Variants in TRIM67 observed in about 807,000 individuals in gnomAD.
TRIM67 encodes tripartite motif-containing protein 67.
A neutral mutation model predicts 71.0 loss-of-function variants in TRIM67; 39 were observed. That is an observed-to-expected ratio of 0.55 (90% CI 0.43 to 0.72). The LOEUF (loss-of-function observed/expected upper bound fraction) is 0.72. Ranked by LOEUF, TRIM67 falls within the 30% of genes least tolerant of loss-of-function variation. TRIM67 has a pLI of 0.00. For synonymous variants in TRIM67, 481 were observed against 473.9 expected (o/e 1.01, Z -0.19); for missense variants, 973 against 1,079.2 (o/e 0.90, Z 1.38).
At chr1:231,166,744 C>T (rs538431809) in intron 1 of TRIM67, among the ~76,000 whole-genome samples, 39 of 152,298 alleles carry the variant, frequency 2.6e-4, no homozygotes, top group Middle Eastern at 3.4e-3. Flanking sequence ...ATATATGTGA[C>T]ACTGAAATCT....
chr1:231,206,298 G>T (rs1683694458), intron 6 of TRIM67, among the ~76,000 whole-genome samples: 1 of 151,524 alleles, frequency 6.6e-6, no homozygotes, highest in South Asian at 2.1e-4. Flanking sequence ...TAAATTAGCT[G>T]GGCATGGTGG....
At chr1:231,201,246 C>G in intron 4 of TRIM67, 112 bp from the exon 5 acceptor site, 10 of 1,182,390 alleles carry the variant, frequency 8.5e-6, no homozygotes, top group Admixed American at 2.7e-5. Flanking sequence ...AGAGCACAAC[C>G]CTTTTCTGTC....
chr1:231,194,845 G>T (rs570180982), intron 1 of TRIM67, among the ~76,000 whole-genome samples: 21 of 152,234 alleles, frequency 1.4e-4, no homozygotes, highest in African/African-American at 4.8e-4. Context: ...ACCATGCCCA[G>T]CTAATTTTTA....
chr1:231,177,653 A>G (rs1682791567), intron 1 of TRIM67, among the ~76,000 whole-genome samples: 1 of 152,236 alleles, frequency 6.6e-6, no homozygotes, highest in Non-Finnish European at 1.5e-5. Context: ...ATAACTCCAG[A>G]CAGCTTTAAA....
intron 6 of TRIM67, 123 bp downstream of exon 6, chr1:231,204,135 C>A: frequency 1.4e-6 from 2 of 1,413,774 alleles, no homozygotes; most frequent in Non-Finnish European, 1.9e-6. Context: ...TGAGGGGACA[C>A]TGGCCAAAAG....
chr1:231,204,460 G>A, intron 6 of TRIM67, among the ~76,000 whole-genome samples: 1 of 152,186 alleles, frequency 6.6e-6, no homozygotes, highest in East Asian at 1.9e-4. Flanking sequence ...CTGGATAAAT[G>A]GTTGTTGAAT....
intron 1 of TRIM67, chr1:231,185,060 G>A: frequency 3.9e-6 from 6 of 1,532,916 alleles, no homozygotes; most frequent in Non-Finnish European, 4.4e-6. Flanking sequence ...GAGCTGAGCT[G>A]GTGCCTGGAC....
In TRIM67 at chr1:231,185,174, C is replaced by T. The variant is rs11802835; in HGVS notation, c.1045-12197C>T. On this transcript the variant is annotated intron_variant, in intron 1 of 9. Transcript: ENST00000366653. ...GTCCAGCCAGCCAGCCTGTACTCCA[C>T]GGCGTCCATTCCTGCACCTTCCACC... is the stretch of plus-strand genomic sequence containing the variant. 6,284 of 1,532,908 alleles carry T rather than the reference C, an allele frequency of 4.1e-3. 299 individuals are homozygous for T. The African/African-American group carries it at 0.067, about 16-fold the overall frequency. The allele number at this position is 1,532,908 out of a possible 1,614,324, so 95.0% of individuals were successfully genotyped here.
At position 231,219,307 on chromosome 1, in the gene TRIM67, T is replaced by C; in HGVS notation, c.*3867T>C. 4.1e-6 allele frequency: 4 copies of C among 983,226 alleles called. No homozygotes were observed. The highest frequency in any genetic ancestry group is 4.8e-6 in the Non-Finnish European group (4 of 827,750). The allele number at this position is 983,226 out of a possible 1,614,324, so 60.9% of individuals were successfully genotyped here. Reference sequence around the variant, plus strand: ...AAGTTAGGTGTGACAACCAAAAGTATCTGTCGACATTGCTAGGTATCTCCT... The same window carrying C: ...AAGTTAGGTGTGACAACCAAAAGTACCTGTCGACATTGCTAGGTATCTCCT... On this transcript the variant is annotated 3_prime_UTR_variant, in exon 10 of 10. Transcript: ENST00000366653.
chr1:231,201,632 G>A (rs927293494), intron 5 of TRIM67, 115 bp downstream of exon 5: 1 of 1,295,994 alleles, frequency 7.7e-7, no homozygotes, highest in Non-Finnish European at 1.0e-6. Context: ...TGGCAGGGTG[G>A]GAGAGCAGGA....
intron 3 of TRIM67, among the ~76,000 whole-genome samples, chr1:231,199,799 C>T (rs528977472): frequency 2.0e-5 from 3 of 152,232 alleles, no homozygotes; most frequent in Non-Finnish European, 2.9e-5. Flanking sequence ...GGGCTAGGAC[C>T]ATTGCATTAT....
chr1:231,169,319 T>A (rs1024651305), intron 1 of TRIM67, among the ~76,000 whole-genome samples: 18 of 151,650 alleles, frequency 1.2e-4, no homozygotes, highest in African/African-American at 4.1e-4. Context: ...CCTCCCAAAC[T>A]GTTGGGATTA....
At position 231,215,455 on chromosome 1, in the gene TRIM67, G is replaced by A. The variant is rs761417783; in HGVS notation, c.*15G>A. On this transcript the variant is annotated 3_prime_UTR_variant, in exon 10 of 10. Transcript: ENST00000366653. ...CAGGCAATTAGCCCCGCTCCAGCTC[G>A]GCACTGTGCCTGTGACAGTGACATT... is the stretch of plus-strand genomic sequence containing the variant. The A allele has an allele frequency of 8.2e-6, 13 of 1,593,716 alleles. No homozygotes were observed. In the South Asian group the frequency reaches 1.0e-4, roughly 12 times the overall value.
intron 1 of TRIM67, among the ~76,000 whole-genome samples, chr1:231,187,947 A>G (rs74143579): frequency 0.054 from 8,247 of 152,164 alleles, 399 homozygotes; most frequent in East Asian, 0.24. Flanking sequence ...CTTCCTAGAG[A>G]AAAGCAAGTC....
Position 231,215,999 on chromosome 1 carries a change from G to A in TRIM67, c.*559G>A. On this transcript the variant is annotated 3_prime_UTR_variant, in exon 10 of 10. Transcript: ENST00000366653. ...ACCTGCCACTTGCAGACCCAATGCA[G>A]GATTGATAGAAAGGGACATTAATCA... 1 of 985,726 alleles carries A rather than the reference G, an allele frequency of 1.0e-6. No homozygotes were observed. Among genetic ancestry groups the A allele is most frequent in the Non-Finnish European group, 1.2e-6 (1 of 830,176 alleles). 61.1% of individuals were successfully genotyped at this position (985,726 alleles called of 1,614,324 possible).
rs183435451 is a variant in TRIM67 at position 231,220,621 on chromosome 1, C to T, written c.*5181C>T. 1.3e-5 allele frequency: 2 copies of T among 152,430 alleles called. No homozygotes were observed. Among genetic ancestry groups the T allele is most frequent in the East Asian group, 3.9e-4 (2 of 5,184 alleles). The allele number at this position is 152,430 out of a possible 1,614,324, so 9.4% of individuals were successfully genotyped here. A position where few individuals can be genotyped will look rare whatever the true frequency, so the allele number is the denominator to read the frequency against. ...TTGAAGGCTGGTTGGGCTAGTGGGT[C>T]ATCATGTCACTTTCAGATGACTGAT... On this transcript the variant is annotated 3_prime_UTR_variant, in exon 10 of 10. Coordinates refer to ENST00000366653, the MANE Select transcript of TRIM67 (RefSeq NM_001004342.5).
Position 231,218,710 on chromosome 1 carries a change from C to T in TRIM67, c.*3270C>T. ...TGTATATATTTCCAGGCTGCATCTT[C>T]AGCCTGATATGTACTTTGTAGTTGC... On this transcript the variant is annotated 3_prime_UTR_variant, in exon 10 of 10. Coordinates refer to ENST00000366653, the MANE Select transcript of TRIM67 (RefSeq NM_001004342.5). The T allele has an allele frequency of 1.0e-6, 1 of 985,460 alleles. No individual in the cohort carries two copies. Among genetic ancestry groups the T allele is most frequent in the South Asian group, 4.7e-5 (1 of 21,288 alleles). 61.0% of individuals were successfully genotyped at this position (985,460 alleles called of 1,614,324 possible).
chr1:231,217,923 C>T lies in TRIM67; in HGVS notation c.*2483C>T. 7.8e-7 allele frequency: 1 copy of T among 1,282,640 alleles called. No homozygotes were observed. The allele number at this position is 1,282,640 out of a possible 1,614,324, so 79.5% of individuals were successfully genotyped here. A position where few individuals can be genotyped will look rare whatever the true frequency, so the allele number is the denominator to read the frequency against. On this transcript the variant is annotated 3_prime_UTR_variant, in exon 10 of 10. Transcript: ENST00000366653. Reference sequence around the variant, plus strand: ...TCCAGAGAGGTGCAGCCAGGACTCCCTCCTCCCCACTGCCACCCTGAGCTT... The same window carrying T: ...TCCAGAGAGGTGCAGCCAGGACTCCTTCCTCCCCACTGCCACCCTGAGCTT...
At chr1:231,198,574 C>T (rs1023184808) in intron 2 of TRIM67, among the ~76,000 whole-genome samples, 7 of 152,074 alleles carry the variant, frequency 4.6e-5, no homozygotes, top group Admixed American at 1.3e-4. Flanking sequence ...TTAGTGGGGA[C>T]GGGGTTTCTC....
Sources: allele counts gnomAD v4.1 joint callset (sites outside exome capture counted in the v4.1 genomes callset), GRCh38; gene constraint gnomAD v4.1.1; transcripts MANE v1.5; gene names NCBI Gene and HGNC (gene_info 2026-07-23, HGNC 2026-07-21).